Variants in ATP8B4 observed in about 807,000 individuals in gnomAD.
ATP8B4 encodes ATPase phospholipid transporting 8B4 (putative).
ATP8B4 carries 133 observed loss-of-function variants against 145.6 expected under a neutral mutation model. The observed-to-expected ratio is 0.91, with a 90% confidence interval of 0.79 to 1.05. ATP8B4 has a LOEUF of 1.05. ATP8B4 is among the 50% of genes least tolerant of loss of function. ATP8B4 has a pLI of 0.00. For missense variants in ATP8B4, 1,458 were observed against 1,425.2 expected (o/e 1.02, Z -0.37); for synonymous variants, 507 against 492.9 (o/e 1.03, Z -0.38).
At chr15:49,973,796 A>G (rs1487655908) in intron 12 of ATP8B4, among the ~76,000 whole-genome samples, 1 of 152,196 alleles carries the variant, frequency 6.6e-6, no homozygotes, top group Admixed American at 6.5e-5. Context: ...ATAGCAACAT[A>G]AGTTTCTACC....
rs1371310795 is a variant in ATP8B4 at position 49,917,044 on chromosome 15, C to T, written c.2036-5G>A. On this transcript the variant is annotated splice_region_variant and splice_polypyrimidine_tract_variant and intron_variant, in intron 19 of 27. Coordinates refer to ENST00000284509, the MANE Select transcript of ATP8B4 (RefSeq NM_024837.4). ...AACCGATGTTGATGGCAGTTTCTAA[C>T]ACAAAATAAAGCCCAATTCAGTTAA... 6.2e-7 allele frequency: 1 copy of T among 1,613,228 alleles called. No homozygotes were observed. Among genetic ancestry groups the T allele is most frequent in the African/African-American group, 1.3e-5 (1 of 74,890 alleles).
At position 49,934,070 on chromosome 15, in the gene ATP8B4, A is replaced by T. The variant is rs766616579; in HGVS notation, c.1400T>A (p.Phe467Tyr). The change falls in exon 15 of 28, where the codon TTC becomes TAC. Residue 467 changes from phenylalanine to tyrosine, a missense_variant. Phe to Tyr is a conservative substitution (Grantham distance 22). Coordinates refer to ENST00000284509, the MANE Select transcript of ATP8B4 (RefSeq NM_024837.4). ...GTGGCAGAGAGCAAGTAACCTAAGG[A>T]ATTCATGAACTTTGGGATCACCCAT... ...IKMGDPKVHE[F>Y]LRLLALCHTV... 2 of 1,612,740 alleles carry T rather than the reference A, an allele frequency of 1.2e-6. No homozygotes were observed. The highest frequency in any genetic ancestry group is 2.7e-5 in the African/African-American group (2 of 74,950).
At position 49,885,250 on chromosome 15, in the gene ATP8B4, T is replaced by G. The variant is rs8031775; in HGVS notation, c.2698-5791A>C. On this transcript the variant is annotated intron_variant, in intron 23 of 27. Coordinates refer to ENST00000284509, the MANE Select transcript of ATP8B4 (RefSeq NM_024837.4). ...CAGGACATTTGCACTGGCTGTACCC[T>G]CTGCCTGGAACACTTTAATCCCAAG... is the stretch of plus-strand genomic sequence containing the variant. 4.4e-3 allele frequency among the ~76,000 whole-genome samples: 666 copies of G among 152,324 alleles called. 3 individuals are homozygous for G. Among genetic ancestry groups the G allele is most frequent in the African/African-American group, 0.016 (646 of 41,570 alleles).
intron 1 of ATP8B4, among the ~76,000 whole-genome samples, chr15:50,118,594 C>T (rs2057221008): frequency 6.6e-6 from 1 of 152,176 alleles, no homozygotes; most frequent in Non-Finnish European, 1.5e-5. Context: ...GAGACACTCT[C>T]TTGCCTATAA....
At chr15:49,886,680 G>T (rs111900625) in intron 23 of ATP8B4, among the ~76,000 whole-genome samples, 1 of 152,130 alleles carries the variant, frequency 6.6e-6, no homozygotes, top group Non-Finnish European at 1.5e-5. Flanking sequence ...TCTAATTCTG[G>T]TTTTTATCTC....
upstream of ATP8B4, among the ~76,000 whole-genome samples, chr15:50,123,825 A>G (rs530658669): frequency 6.6e-6 from 1 of 152,162 alleles, no homozygotes; most frequent in South Asian, 2.1e-4. Context: ...TTTCATCCTG[A>G]TCCAACCATC....
chr15:49,981,169 A>G (rs2153534589), intron 11 of ATP8B4, 37 bp downstream of exon 11: 2 of 1,432,210 alleles, frequency 1.4e-6, no homozygotes, highest in Admixed American at 3.5e-5. Context: ...TACTAAGATA[A>G]CAATGACTAG....
chr15:50,009,687 A>C (rs1221474925), intron 7 of ATP8B4: 5 of 454,870 alleles, frequency 1.1e-5, no homozygotes, highest in African/African-American at 6.0e-5. Context: ...CTGAAAAATA[A>C]GATGGACAAG....
intron 1 of ATP8B4, among the ~76,000 whole-genome samples, chr15:50,141,030 G>C (rs1463427941): frequency 1.3e-5 from 2 of 152,108 alleles, no homozygotes; most frequent in Admixed American, 6.6e-5. Flanking sequence ...GTTGGTCAGA[G>C]ATCCCCACCC....
chr15:49,901,554 A>T (rs1422456603), intron 20 of ATP8B4, among the ~76,000 whole-genome samples: 1 of 152,134 alleles, frequency 6.6e-6, no homozygotes, highest in Non-Finnish European at 1.5e-5. Context: ...GGTACTTAAG[A>T]CTGTCTGAGC....
upstream of ATP8B4, among the ~76,000 whole-genome samples, chr15:50,121,989 C>G (rs2057274994): frequency 6.6e-6 from 1 of 152,156 alleles, no homozygotes; most frequent in Non-Finnish European, 1.5e-5. Flanking sequence ...CAACTTTACA[C>G]ACATTTCATC....
intron 1 of ATP8B4, among the ~76,000 whole-genome samples, chr15:50,141,994 C>G (rs1370786668): frequency 6.6e-6 from 1 of 152,078 alleles, no homozygotes; most frequent in Non-Finnish European, 1.5e-5. Flanking sequence ...CTGAGGGGCT[C>G]TTGAAAGACG....
chr15:49,938,490 A>G (rs902782735), intron 14 of ATP8B4, among the ~76,000 whole-genome samples: 2 of 152,188 alleles, frequency 1.3e-5, no homozygotes, highest in South Asian at 2.1e-4. Flanking sequence ...CTGTAAACCA[A>G]TAACAGTAAA....
intron 3 of ATP8B4, among the ~76,000 whole-genome samples, chr15:50,065,766 T>C (rs1443048732): frequency 6.6e-6 from 1 of 152,146 alleles, no homozygotes; most frequent in African/African-American, 2.4e-5. Context: ...TTCAGTTTTG[T>C]ACCATTGCAG....
intron 25 of ATP8B4, among the ~76,000 whole-genome samples, chr15:49,872,978 G>T (rs1208722368): frequency 6.6e-6 from 1 of 152,116 alleles, no homozygotes; most frequent in Non-Finnish European, 1.5e-5. Flanking sequence ...GGGTATGCAG[G>T]AACTGTCTTT....
intron 4 of ATP8B4, among the ~76,000 whole-genome samples, chr15:50,045,901 A>G (rs1219805013): frequency 6.6e-6 from 1 of 152,242 alleles, no homozygotes; most frequent in Non-Finnish European, 1.5e-5. Context: ...AGAAACCAAA[A>G]GCAACTTCAT....
chr15:49,933,941 C>A, intron 15 of ATP8B4, 76 bp downstream of exon 15: 1 of 1,393,862 alleles, frequency 7.2e-7, no homozygotes, highest in Non-Finnish European at 9.5e-7. Context: ...ATTTGTAAAT[C>A]CTTCAAATTT....
intron 1 of ATP8B4, among the ~76,000 whole-genome samples, chr15:50,147,112 G>A (rs915322323): frequency 8.5e-5 from 13 of 152,064 alleles, no homozygotes; most frequent in African/African-American, 2.7e-4. Context: ...GTACAAATTC[G>A]AGGTCTTTAA....
At chr15:50,104,906 A>C (rs2056592645) in intron 2 of ATP8B4, among the ~76,000 whole-genome samples, 1 of 65,302 alleles carries the variant, frequency 1.5e-5, no homozygotes, top group Non-Finnish European at 4.1e-5. Flanking sequence ...TACACTATGG[A>C]ATACTACTCA....
Sources: gnomAD v4.1 joint callset for allele counts (sites outside exome capture counted in the v4.1 genomes callset) on GRCh38, gnomAD v4.1.1 for gene constraint, MANE v1.5 for transcripts, NCBI Gene and HGNC (gene_info 2026-07-23, HGNC 2026-07-21) for gene names.